The following EXT2 variants were observed in gnomAD, a reference collection of about 807,000 sequenced individuals.
The protein encoded by EXT2 is exostosin-2.
In EXT2, 53 loss-of-function variants were observed where a neutral mutation model predicts 81.6. That is an observed-to-expected ratio of 0.65 (90% CI 0.52 to 0.82). EXT2 has a LOEUF of 0.82. EXT2 is among the 40% of genes least tolerant of loss of function. The probability of loss-of-function intolerance (pLI) is 0.00; values close to 1 mark genes in which losing one functional copy is unlikely to be tolerated. For synonymous variants in EXT2, 320 were observed against 340.0 expected, an observed-to-expected ratio of 0.94 and a Z score of 0.65; for missense variants, 774 against 910.2, an observed-to-expected ratio of 0.85 and a Z score of 1.93.
chr11:44,151,813 ACCACTTTGCTTT>A (rs1202716740), intron 7 of EXT2, among the ~76,000 whole-genome samples: 1 of 152,206 alleles, frequency 6.6e-6, no homozygotes, highest in Non-Finnish European at 1.5e-5. Flanking sequence ...AAGTGGCTGT[ACCACTTTGCTTT>A]CCCACCTGGA....
At chr11:44,214,022 C>T (rs915716847) in intron 10 of EXT2, among the ~76,000 whole-genome samples, 1 of 152,104 alleles carries the variant, frequency 6.6e-6, no homozygotes, top group Non-Finnish European at 1.5e-5. Context: ...AATATATATA[C>T]ATAAGGAAAG....
intron 7 of EXT2, among the ~76,000 whole-genome samples, chr11:44,159,417 C>T (rs1291767873): frequency 6.6e-6 from 1 of 151,972 alleles, no homozygotes; most frequent in Non-Finnish European, 1.5e-5. Flanking sequence ...ATTATTTCCT[C>T]AGTTATATCC....
At chr11:44,151,407 A>T (rs1278515747) in intron 7 of EXT2, among the ~76,000 whole-genome samples, 3 of 152,022 alleles carry the variant, frequency 2.0e-5, no homozygotes, top group Admixed American at 1.3e-4. Context: ...AACTCTCGGA[A>T]ACCATTGATC....
intron 7 of EXT2, among the ~76,000 whole-genome samples, chr11:44,159,009 A>AT (rs1214656735): frequency 2.0e-5 from 3 of 150,496 alleles, no homozygotes; most frequent in East Asian, 1.9e-4. Flanking sequence ...ATCTATAGAG[A>AT]TTTTTTTTCT....
chr11:44,113,597 T>C (rs894364360), intron 3 of EXT2, among the ~76,000 whole-genome samples: 1 of 152,138 alleles, frequency 6.6e-6, no homozygotes, highest in African/African-American at 2.4e-5. Flanking sequence ...TAAGACTAAG[T>C]AGCTGGAATG....
At chr11:44,223,569 C>T (rs1291717722) in intron 10 of EXT2, among the ~76,000 whole-genome samples, 2 of 151,928 alleles carry the variant, frequency 1.3e-5, no homozygotes, top group Non-Finnish European at 2.9e-5. Context: ...ATATAACCTC[C>T]TTGAAATGAC....
At chr11:44,174,802 C>G (rs896896348) in intron 8 of EXT2, among the ~76,000 whole-genome samples, 3 of 152,064 alleles carry the variant, frequency 2.0e-5, no homozygotes, top group Non-Finnish European at 4.4e-5. Flanking sequence ...TAGGTATTAT[C>G]TAGTCAGAGA....
In EXT2 at chr11:44,250,539, C is replaced by T. The variant is rs188668917; in HGVS notation, c.*6252C>T. 4.9e-3 allele frequency among the ~76,000 whole-genome samples: 741 copies of T among 152,360 alleles called. 2 individuals carry two copies. Among genetic ancestry groups the T allele is most frequent in the Non-Finnish European group, 8.9e-3 (604 of 68,038 alleles). On this transcript the variant is annotated 3_prime_UTR_variant, in exon 14 of 14. Coordinates refer to ENST00000533608, the MANE Select transcript of EXT2 (RefSeq NM_207122.2). ...TCTGCTTACCGTGTTACCAGAGAGC[C>T]TGGGGGTCTGGATCCTATCTGGCCC...
chr11:44,214,152 C>T (rs867888827), intron 10 of EXT2, among the ~76,000 whole-genome samples: 6 of 152,062 alleles, frequency 3.9e-5, no homozygotes, highest in Middle Eastern at 3.4e-3. Context: ...GTCTCTCTGT[C>T]GCCCAGGCTG....
At chr11:44,198,225 T>C in intron 9 of EXT2, 1 of 613,482 alleles carries the variant, frequency 1.6e-6, no homozygotes, top group Non-Finnish European at 2.9e-6. Flanking sequence ...CCACAAGTGT[T>C]TGAGGGCTTA....
At chr11:44,141,617 T>A (rs1287318522) in intron 7 of EXT2, among the ~76,000 whole-genome samples, 1 of 152,244 alleles carries the variant, frequency 6.6e-6, no homozygotes, top group Admixed American at 6.5e-5. Flanking sequence ...AAATTTATGA[T>A]CATGAACAAT....
rs1954078392 is a variant in EXT2 at position 44,107,825 on chromosome 11, T to C, written c.113T>C (p.Ile38Thr). The C allele has an allele frequency of 6.2e-7, 1 of 1,614,028 alleles. No individual in the cohort carries two copies. The highest frequency in any genetic ancestry group is 1.1e-5 in the South Asian group (1 of 91,086). Residue 38 changes from isoleucine to threonine, a missense_variant, in exon 2 of 14, where the codon ATT becomes ACT. Physicochemically the swap from Ile to Thr is moderately conservative, Grantham distance 89 (BLOSUM62 -1). Transcript: ENST00000533608. ...TLFSIVLLGL[I>T]ATGMFQFWPH... Reference sequence around the variant, plus strand: ...TTCTCCATTGTCCTCCTGGGCCTCATTGCCACTGGCATGTTTCAGTTTTGG... The same window carrying C: ...TTCTCCATTGTCCTCCTGGGCCTCACTGCCACTGGCATGTTTCAGTTTTGG...
intron 10 of EXT2, among the ~76,000 whole-genome samples, chr11:44,230,790 T>C (rs1955889479): frequency 6.6e-6 from 1 of 152,168 alleles, no homozygotes; most frequent in East Asian, 1.9e-4. Flanking sequence ...TAGTTTCTGA[T>C]CTAAGCCCCC....
Position 44,130,103 on chromosome 11 carries a change from A to G in EXT2, c.1138A>G (p.Ile380Val). The G allele has an allele frequency of 6.2e-7, 1 of 1,614,178 alleles. No homozygotes were observed. The change falls in exon 7 of 14, where the codon ATC (isoleucine) becomes GTC (valine). Residue 380 changes from isoleucine (I) to valine (V), a missense_variant. By Grantham distance (29) the Ile-to-Val change is conservative. Transcript: ENST00000533608. ...AGATGTGTACAGTATTTTGCAGAGC[A>G]TCCCCCAAAGACAGATTGAAGAAAT... ...MSDVYSILQSIPQRQIEEMQR... is the reference protein window; with the variant it reads ...MSDVYSILQSVPQRQIEEMQR...
intron 8 of EXT2, among the ~76,000 whole-genome samples, chr11:44,188,147 A>G (rs1199593981): frequency 1.3e-5 from 2 of 152,224 alleles, no homozygotes; most frequent in Admixed American, 6.5e-5. Flanking sequence ...CTGGCAGGAA[A>G]GTAAGGTATT....
chr11:44,119,683 C>T lies in EXT2; in HGVS notation c.744-5106C>T, dbSNP rs115020123. Among the ~76,000 whole-genome samples, 674 of 152,356 alleles carry T rather than the reference C, an allele frequency of 4.4e-3. 8 individuals carry two copies. Among genetic ancestry groups the T allele is most frequent in the African/African-American group, 0.016 (656 of 41,584 alleles). ...GGGATGATGGGAACCCTCTCCAAATCCAAGTCTCCAGATGACAGCCAAAGA... is the reference window on the plus strand; with the variant it reads ...GGGATGATGGGAACCCTCTCCAAATTCAAGTCTCCAGATGACAGCCAAAGA... On this transcript the variant is annotated intron_variant, in intron 4 of 13. Transcript: ENST00000533608.
At chr11:44,101,690 G>T (rs561993035) in intron 1 of EXT2, among the ~76,000 whole-genome samples, 1 of 152,290 alleles carries the variant, frequency 6.6e-6, no homozygotes, top group African/African-American at 2.4e-5. Context: ...GCTGTCTTCT[G>T]TAGGACAAGA....
intron 10 of EXT2, among the ~76,000 whole-genome samples, chr11:44,208,395 A>G (rs1444606303): frequency 6.6e-6 from 1 of 152,176 alleles, no homozygotes; most frequent in Admixed American, 6.5e-5. Flanking sequence ...GGGTGGGCTA[A>G]ATGTATTTCT....
intron 8 of EXT2, among the ~76,000 whole-genome samples, chr11:44,183,650 C>T (rs1465589709): frequency 1.3e-5 from 2 of 151,790 alleles, no homozygotes; most frequent in Non-Finnish European, 2.9e-5. Context: ...ACATTTTTCT[C>T]TCTCTGTGCT....
Sources: allele counts gnomAD v4.1 joint callset (sites outside exome capture counted in the v4.1 genomes callset), GRCh38; gene constraint gnomAD v4.1.1; transcripts MANE v1.5; gene names NCBI Gene and HGNC (gene_info 2026-07-23, HGNC 2026-07-21).